The following ELAPOR2 variants were observed in gnomAD, a reference collection of about 807,000 sequenced individuals.
ELAPOR2 encodes endosome-lysosome associated apoptosis and autophagy regulator family member 2, also known as endosome/lysosome-associated apoptosis and autophagy regulator family member 2.
ELAPOR2 carries 89 observed loss-of-function variants against 120.7 expected under a neutral mutation model. That is an observed-to-expected ratio of 0.74 (90% CI 0.62 to 0.88). ELAPOR2 has a LOEUF of 0.88. ELAPOR2 is among the 40% of genes least tolerant of loss of function. The pLI, the probability that ELAPOR2 is intolerant of heterozygous loss-of-function variation, is 0.00. For missense variants in ELAPOR2, 1,134 were observed against 1,251.6 expected (o/e 0.91, Z 1.42); for synonymous variants, 444 against 444.9 (o/e 1.00, Z 0.03).
chr7:86,922,483 C>T (rs1213196769), intron 10 of ELAPOR2, among the ~76,000 whole-genome samples: 1 of 151,422 alleles, frequency 6.6e-6, no homozygotes, highest in Non-Finnish European at 1.5e-5. Context: ...AAAAAAACAC[C>T]ATTAACATGC....
chr7:86,918,749 T>C (rs567459134), intron 11 of ELAPOR2, among the ~76,000 whole-genome samples: 1 of 152,278 alleles, frequency 6.6e-6, no homozygotes, highest in South Asian at 2.1e-4. Flanking sequence ...GATGGTAATA[T>C]GCTTGAACCT....
chr7:86,925,532 C>A lies in ELAPOR2; in HGVS notation c.1395G>T (p.Met465Ile). 1 of 1,611,420 alleles carries A rather than the reference C, an allele frequency of 6.2e-7. No homozygotes were observed. Among genetic ancestry groups the A allele is most frequent in the Non-Finnish European group, 8.5e-7 (1 of 1,178,232 alleles). Residue 465 changes from methionine (M) to isoleucine (I), a missense_variant, in exon 10 of 22, where the codon ATG (methionine) becomes ATT (isoleucine). Physicochemically the swap from Met to Ile is conservative, Grantham distance 10. Around this residue, in one of 3 missense-constraint regions of ELAPOR2, gnomAD observed 831 missense variants for 867.6 expected, o/e 0.96. Transcript: ENST00000450689. ...GTAGGCTGATTTTGAACTTACCATT[C>A]ATTCCATCGCACTTTGAATTCCCAA... is the stretch of plus-strand genomic sequence containing the variant. ...FNVGNSKCDG[M>I]NGWEVAGDHI...
At chr7:86,916,700 G>A (rs565674232) in intron 12 of ELAPOR2, among the ~76,000 whole-genome samples, 1 of 152,160 alleles carries the variant, frequency 6.6e-6, no homozygotes, top group Non-Finnish European at 1.5e-5. Flanking sequence ...ATTTCCAAGG[G>A]GACCCAGGTG....
At chr7:86,918,644 T>G in intron 11 of ELAPOR2, 100 bp from the exon 12 acceptor site, 1 of 722,626 alleles carries the variant, frequency 1.4e-6, no homozygotes, top group Non-Finnish European at 2.4e-6. Context: ...GCCATGCTCT[T>G]CTCTTCCTCT....
intron 12 of ELAPOR2, among the ~76,000 whole-genome samples, chr7:86,916,559 G>A (rs753091645): frequency 2.0e-5 from 3 of 152,168 alleles, no homozygotes; most frequent in Non-Finnish European, 4.4e-5. Flanking sequence ...TGTATTCAGA[G>A]GCTGTTGGTT....
At chr7:87,031,018 G>A (rs748405739) in intron 1 of ELAPOR2, among the ~76,000 whole-genome samples, 8 of 152,078 alleles carry the variant, frequency 5.3e-5, no homozygotes, top group African/African-American at 1.2e-4. Context: ...CCATCAGATC[G>A]CATGAGACTT....
chr7:86,918,323 C>CAAAAAA (rs370415220), intron 12 of ELAPOR2, 119 bp downstream of exon 12: 30 of 173,918 alleles, frequency 1.7e-4, no homozygotes, highest in East Asian at 3.1e-4. Flanking sequence ...CTAAGAATAG[C>CAAAAAA]AAAAAAAAAA....
intron 1 of ELAPOR2, among the ~76,000 whole-genome samples, chr7:86,990,804 T>C (rs1767699): frequency 6.6e-6 from 1 of 151,954 alleles, no homozygotes; most frequent in East Asian, 1.9e-4. Flanking sequence ...ATTCTCATCA[T>C]AAAATATTCC....
At chr7:87,000,734 A>C (rs1288022996) in intron 1 of ELAPOR2, among the ~76,000 whole-genome samples, 1 of 152,202 alleles carries the variant, frequency 6.6e-6, no homozygotes, top group Non-Finnish European at 1.5e-5. Context: ...TCACAAAAAC[A>C]AAACATCATC....
chr7:86,892,576 C>T (rs1788216597), intron 20 of ELAPOR2, among the ~76,000 whole-genome samples: 1 of 151,992 alleles, frequency 6.6e-6, no homozygotes, highest in Admixed American at 6.6e-5. Context: ...AGGAAGAAGA[C>T]AGCATTATAT....
intron 1 of ELAPOR2, among the ~76,000 whole-genome samples, chr7:87,056,730 T>C (rs1045087276): frequency 1.3e-5 from 2 of 152,234 alleles, no homozygotes; most frequent in African/African-American, 4.8e-5. Context: ...AGGGCCTTTT[T>C]TCTGAACTCA....
At chr7:87,030,986 A>G (rs1794405789) in intron 1 of ELAPOR2, among the ~76,000 whole-genome samples, 1 of 152,194 alleles carries the variant, frequency 6.6e-6, no homozygotes, top group African/African-American at 2.4e-5. Context: ...GAGTCAAGTG[A>G]AAGGGGTTTC....
chr7:86,925,233 C>G (rs1280696857), intron 10 of ELAPOR2, among the ~76,000 whole-genome samples: 1 of 151,888 alleles, frequency 6.6e-6, no homozygotes, highest in Non-Finnish European at 1.5e-5. Flanking sequence ...TAGATTTCAT[C>G]CCCCTCCTTG....
At chr7:86,899,511 C>G (rs1788617209) in intron 18 of ELAPOR2, among the ~76,000 whole-genome samples, 1 of 152,064 alleles carries the variant, frequency 6.6e-6, no homozygotes, top group Admixed American at 6.6e-5. Flanking sequence ...GAAGTTTTAA[C>G]TTCAAATACC....
intron 1 of ELAPOR2, among the ~76,000 whole-genome samples, chr7:87,043,456 T>C (rs1039781542): frequency 3.3e-5 from 5 of 151,812 alleles, no homozygotes; most frequent in Non-Finnish European, 7.4e-5. Context: ...GCTGGTTCAA[T>C]ATACGCAAAT....
chr7:86,953,425 T>C (rs1791347959), intron 2 of ELAPOR2, among the ~76,000 whole-genome samples: 1 of 152,212 alleles, frequency 6.6e-6, no homozygotes. Context: ...CTGACTTCCT[T>C]TGATGGCCAC....
chr7:87,015,207 AAT>A (rs1793829078), intron 1 of ELAPOR2, among the ~76,000 whole-genome samples: 1 of 152,236 alleles, frequency 6.6e-6, no homozygotes, highest in Non-Finnish European at 1.5e-5. Context: ...TTTTAATTTT[AAT>A]ATTTTATCAA....
chr7:87,002,888 C>A (rs1303954472), intron 1 of ELAPOR2, among the ~76,000 whole-genome samples: 1 of 152,118 alleles, frequency 6.6e-6, no homozygotes, highest in Non-Finnish European at 1.5e-5. Context: ...GAGAAATGAA[C>A]CACACTCCTT....
intron 21 of ELAPOR2, among the ~76,000 whole-genome samples, chr7:86,889,393 G>A (rs762173695): frequency 6.6e-6 from 1 of 150,652 alleles, no homozygotes; most frequent in Non-Finnish European, 1.5e-5. Context: ...ATTCCCAGGG[G>A]ATACATTCCA....
Sources: gnomAD v4.1 joint callset for allele counts (sites outside exome capture counted in the v4.1 genomes callset) on GRCh38, gnomAD v4.1.1 for gene constraint, gnomAD v4.1.1 regional missense constraint, MANE v1.5 for transcripts, NCBI Gene and HGNC (gene_info 2026-07-23, HGNC 2026-07-21) for gene names.